Variants in ANO4 observed in about 807,000 individuals in gnomAD.
ANO4 encodes anoctamin 4.
A neutral mutation model predicts 141.9 loss-of-function variants in ANO4; 69 were observed. The ratio of observed to expected loss-of-function variants is 0.49; its 90% CI spans 0.40 to 0.59. The LOEUF (loss-of-function observed/expected upper bound fraction) is 0.59. ANO4 is among the 20% of genes least tolerant of loss of function. The probability of loss-of-function intolerance (pLI) is 0.00; values close to 1 mark genes in which losing one functional copy is unlikely to be tolerated. For synonymous variants in ANO4, 350 were observed against 394.3 expected, an observed-to-expected ratio of 0.89 and a Z score of 1.33; for missense variants, 894 against 1,162.2, an observed-to-expected ratio of 0.77 and a Z score of 3.36.
At chr12:100,989,833 TGA>T (rs1167869265) in intron 8 of ANO4, among the ~76,000 whole-genome samples, 1 of 145,998 alleles carries the variant, frequency 6.8e-6, no homozygotes, top group Admixed American at 6.8e-5. Context: ...GATAGGTCAC[TGA>T]ATGGATGGTT....
At chr12:101,005,190 A>G (rs2136420484) in intron 8 of ANO4, among the ~76,000 whole-genome samples, 1 of 152,314 alleles carries the variant, frequency 6.6e-6, no homozygotes, top group African/African-American at 2.4e-5. Flanking sequence ...TATTGACTGA[A>G]TTACAGTAGT....
chr12:100,811,901 C>G (rs750713363), intron 1 of ANO4, among the ~76,000 whole-genome samples: 4 of 152,132 alleles, frequency 2.6e-5, no homozygotes, highest in Non-Finnish European at 5.9e-5. Flanking sequence ...TCTTCTCTTG[C>G]CCCCATAGTT....
chr12:100,907,347 G>A (rs1044669122), intron 2 of ANO4, among the ~76,000 whole-genome samples: 1 of 151,986 alleles, frequency 6.6e-6, no homozygotes. Flanking sequence ...CCTAATAAAT[G>A]TCTACTAGCC....
chr12:101,060,043 T>G (rs1277248019), intron 14 of ANO4, among the ~76,000 whole-genome samples: 2 of 152,250 alleles, frequency 1.3e-5, no homozygotes, highest in Non-Finnish European at 2.9e-5. Flanking sequence ...CTGCAAACAC[T>G]GCTTCCGCAG....
Position 101,048,411 on chromosome 12 carries a change from C to G in ANO4, c.1312+10C>G. 1 of 1,612,182 alleles carries G rather than the reference C, an allele frequency of 6.2e-7. No individual in the cohort carries two copies. On this transcript the variant is annotated intron_variant, in intron 14 of 27. Coordinates refer to ENST00000392977, the MANE Select transcript of ANO4 (RefSeq NM_001286615.2). ...TTCATGGCAGTCTGGGGTAAGTGTT[C>G]TATAACCATAAAACTTGAGTTTTCC...
At chr12:101,064,774 A>T (rs891857840) in intron 14 of ANO4, among the ~76,000 whole-genome samples, 1 of 151,900 alleles carries the variant, frequency 6.6e-6, no homozygotes, top group East Asian at 1.9e-4. Flanking sequence ...CGGTCCAAAA[A>T]TATTAAATGG....
intron 7 of ANO4, among the ~76,000 whole-genome samples, chr12:100,979,233 A>G (rs2044341215): frequency 1.3e-5 from 2 of 152,182 alleles, no homozygotes; most frequent in Admixed American, 6.5e-5. Flanking sequence ...AATTTTGGAT[A>G]TTTAGAAGTT....
intron 12 of ANO4, among the ~76,000 whole-genome samples, chr12:101,042,837 A>G (rs573074937): frequency 1.3e-5 from 2 of 152,272 alleles, no homozygotes; most frequent in East Asian, 3.9e-4. Context: ...GTGTTTTTAC[A>G]ACTTGAGCCA....
chr12:100,981,586 A>G (rs757086731), intron 7 of ANO4, among the ~76,000 whole-genome samples: 3 of 152,232 alleles, frequency 2.0e-5, no homozygotes, highest in Non-Finnish European at 4.4e-5. Flanking sequence ...TGTTAGAAAC[A>G]TGATGCTATT....
At chr12:100,868,353 C>T (rs189248582) in intron 1 of ANO4, among the ~76,000 whole-genome samples, 11 of 152,230 alleles carry the variant, frequency 7.2e-5, no homozygotes, top group Admixed American at 2.0e-4. Context: ...TCCCAGCCCA[C>T]GAGAGTAGAA....
At chr12:101,015,082 C>T (rs1478731442) in intron 8 of ANO4, among the ~76,000 whole-genome samples, 1 of 151,740 alleles carries the variant, frequency 6.6e-6, no homozygotes, top group Non-Finnish European at 1.5e-5. Context: ...ATTTGCCTCC[C>T]AAAGTGCTGG....
At chr12:100,767,954 C>CA (rs558574763) in intron 3 of ANO4, among the ~76,000 whole-genome samples, 13 of 151,954 alleles carry the variant, frequency 8.6e-5, no homozygotes, top group Non-Finnish European at 1.6e-4. Flanking sequence ...GCTAGTGGGG[C>CA]AAGCCTGGAC....
At chr12:100,828,499 T>G (rs2036477083) in intron 1 of ANO4, among the ~76,000 whole-genome samples, 1 of 152,072 alleles carries the variant, frequency 6.6e-6, no homozygotes, top group South Asian at 2.1e-4. Flanking sequence ...GAAAAATGAT[T>G]TTCAAAATGA....
At chr12:101,073,039 A>T (rs189634890) in intron 14 of ANO4, among the ~76,000 whole-genome samples, 103 of 152,312 alleles carry the variant, frequency 6.8e-4, no homozygotes, top group African/African-American at 2.4e-3. Context: ...TTCCTCAAGG[A>T]TCTAGAACTG....
intron 1 of ANO4, among the ~76,000 whole-genome samples, chr12:100,895,412 G>T (rs1293517331): frequency 1.3e-5 from 2 of 152,106 alleles, no homozygotes; most frequent in Admixed American, 6.5e-5. Flanking sequence ...TAACTGTGCA[G>T]TGAAGCCAGA....
chr12:100,881,595 T>C (rs1221595013), intron 1 of ANO4, among the ~76,000 whole-genome samples: 1 of 152,214 alleles, frequency 6.6e-6, no homozygotes, highest in African/African-American at 2.4e-5. Context: ...GTTTAGTTTT[T>C]ACTCTGCTGC....
At chr12:100,836,154 T>C (rs2036899624) in intron 1 of ANO4, among the ~76,000 whole-genome samples, 1 of 152,158 alleles carries the variant, frequency 6.6e-6, no homozygotes, top group Non-Finnish European at 1.5e-5. Flanking sequence ...CTTCCTTTCC[T>C]TTATATTTCA....
At chr12:100,725,096 T>G (rs2031049468) in intron 1 of ANO4, among the ~76,000 whole-genome samples, 3 of 152,198 alleles carry the variant, frequency 2.0e-5, no homozygotes, top group Admixed American at 1.3e-4. Context: ...TGGTGAATAT[T>G]TTTGCAAAGT....
intron 2 of ANO4, among the ~76,000 whole-genome samples, chr12:100,738,242 C>T (rs1481637821): frequency 2.0e-5 from 3 of 152,170 alleles, no homozygotes; most frequent in Non-Finnish European, 4.4e-5. Context: ...GATGAGCAGG[C>T]TATCAATGCT....
Sources: gnomAD v4.1 joint callset for allele counts (sites outside exome capture counted in the v4.1 genomes callset) on GRCh38, gnomAD v4.1.1 for gene constraint, MANE v1.5 for transcripts, NCBI Gene and HGNC (gene_info 2026-07-23, HGNC 2026-07-21) for gene names.